USP47: variants seen among roughly 807,000 people sequenced by gnomAD.
USP47 encodes the protein ubiquitin carboxyl-terminal hydrolase 47.
Under a neutral mutation model 165.1 loss-of-function variants are expected in USP47, and 35 were observed. The ratio of observed to expected loss-of-function variants is 0.21; its 90% CI spans 0.16 to 0.28. The LOEUF is 0.28. USP47 is among the 10% of genes least tolerant of loss of function. USP47 has a pLI of 1.00. For missense variants in USP47, 1,277 were observed against 1,607.4 expected (o/e 0.79, Z 3.52); for synonymous variants, 531 against 544.5 (o/e 0.98, Z 0.35).
chr11:11,908,103 A>C (rs1028913419), intron 8 of USP47, among the ~76,000 whole-genome samples: 3 of 152,182 alleles, frequency 2.0e-5, no homozygotes, highest in Non-Finnish European at 4.4e-5. Context: ...AAACAAAAAA[A>C]GATATAGATG....
intron 4 of USP47, among the ~76,000 whole-genome samples, chr11:11,892,370 T>C (rs1851573472): frequency 8.0e-6 from 1 of 124,806 alleles, no homozygotes; most frequent in East Asian, 2.3e-4. Context: ...TTTCTTTTCT[T>C]TTTAATTTTC....
At chr11:11,892,586 A>G (rs1719186326) in intron 4 of USP47, among the ~76,000 whole-genome samples, 1 of 151,406 alleles carries the variant, frequency 6.6e-6, no homozygotes, top group African/African-American at 2.4e-5. Flanking sequence ...CAAGGCAGGA[A>G]GATTGCTTGA....
chr11:11,930,252 A>G (rs994278680), intron 13 of USP47, 132 bp downstream of exon 13: 10 of 737,486 alleles, frequency 1.4e-5, no homozygotes, highest in South Asian at 3.7e-5. Flanking sequence ...ACCTGCCTCC[A>G]TATTTTGGAA....
rs1254379504 is a variant in USP47 at position 11,942,726 on chromosome 11, A to T, written c.2705A>T (p.Asp902Val). Residue 902 changes from aspartate to valine, a missense_variant, in exon 20 of 28, where the codon GAT becomes GTT. Asp to Val is a radical substitution (Grantham distance 152). Around this residue, in one of 4 missense-constraint regions of USP47, gnomAD observed 909 missense variants for 1,068.1 expected, o/e 0.85. Transcript: ENST00000527733. The stretch of plus-strand genomic sequence containing the variant: ...GAGAGGGACTCTTCAGCATCAGTGG[A>T]TAATAGAGAACTTGAACAGCATATT... Reference protein sequence around the residue: ...LNERDSSASVDNRELEQHIQT... With the variant: ...LNERDSSASVVNRELEQHIQT... 6.2e-7 allele frequency: 1 copy of T among 1,613,618 alleles called. No individual in the cohort carries two copies. Among genetic ancestry groups the T allele is most frequent in the African/African-American group, 1.3e-5 (1 of 75,022 alleles).
chr11:11,849,597 G>T (rs767426092), intron 1 of USP47, among the ~76,000 whole-genome samples: 2 of 152,138 alleles, frequency 1.3e-5, no homozygotes, highest in African/African-American at 4.8e-5. Context: ...TTTTGACTTC[G>T]TGAGAAGCTC....
chr11:11,893,575 TAC>T (rs1590322064), intron 4 of USP47, among the ~76,000 whole-genome samples: 1 of 152,184 alleles, frequency 6.6e-6, no homozygotes, highest in Non-Finnish European at 1.5e-5. Flanking sequence ...TAGCTAGGAC[TAC>T]AGGTGTGCAC....
chr11:11,856,750 T>G (rs988271872), intron 1 of USP47: 3 of 152,258 alleles, frequency 2.0e-5, no homozygotes, highest in African/African-American at 7.2e-5. Context: ...AGTACAAGGC[T>G]TATAATGATG....
rs551171222 is a variant in USP47, at chr11:11,860,669, C to G, written c.39+18445C>G. On this transcript the variant is annotated intron_variant, in intron 1 of 27. Transcript: ENST00000527733. ...AAGTCAGTTATTTCACAAGCTGAGT[C>G]ACTGCTTGTCAACAACAGCCTACTC... Among the ~76,000 whole-genome samples, 5 of 152,288 alleles carry G rather than the reference C, an allele frequency of 3.3e-5. No homozygotes were observed. The East Asian group carries it at 9.6e-4, about 29-fold the overall frequency.
chr11:11,853,195 CAG>C (rs1848824471), intron 1 of USP47, among the ~76,000 whole-genome samples: 1 of 151,820 alleles, frequency 6.6e-6, no homozygotes. Flanking sequence ...GTATCAAAAA[CAG>C]GGGTTGTAAA....
intron 11 of USP47, among the ~76,000 whole-genome samples, chr11:11,925,339 AC>A (rs1190800045): frequency 6.6e-6 from 1 of 151,754 alleles, no homozygotes; most frequent in Non-Finnish European, 1.5e-5. Context: ...TGATCTCCTG[AC>A]CTCATGATCC....
At chr11:11,862,095 T>A (rs969280835) in intron 1 of USP47, among the ~76,000 whole-genome samples, 8 of 151,950 alleles carry the variant, frequency 5.3e-5, no homozygotes, top group African/African-American at 1.9e-4. Context: ...AGAGCATGAT[T>A]ATCATCAAAC....
chr11:11,861,839 A>G (rs1246523392), intron 1 of USP47, among the ~76,000 whole-genome samples: 1 of 152,184 alleles, frequency 6.6e-6, no homozygotes, highest in Non-Finnish European at 1.5e-5. Flanking sequence ...TTAGAAACAA[A>G]TGTGATATAG....
At chr11:11,874,963 G>A (rs1440727806) in intron 1 of USP47, among the ~76,000 whole-genome samples, 1 of 151,760 alleles carries the variant, frequency 6.6e-6, no homozygotes, top group East Asian at 1.9e-4. Flanking sequence ...TACCCAGATG[G>A]GAATGCTCTA....
chr11:11,892,026 G>C lies in USP47; in HGVS notation c.416G>C (p.Arg139Thr). 6.2e-7 allele frequency: 1 copy of C among 1,613,948 alleles called. No individual in the cohort carries two copies. The highest frequency in any genetic ancestry group is 8.5e-7 in the Non-Finnish European group (1 of 1,179,892). ...GACAGGTTTATAGGTCCGCTTCCAAGAGAAGGTTCTGGGGGTTCTACCAGT... is the reference window on the plus strand; with the variant it reads ...GACAGGTTTATAGGTCCGCTTCCAACAGAAGGTTCTGGGGGTTCTACCAGT... ...VHDRFIGPLP[R>T]EGSGGSTSDY... is the part of the protein sequence containing the mutation. Residue 139 changes from arginine to threonine, a missense_variant, in exon 4 of 28, where the codon AGA becomes ACA. Physicochemically the swap from Arg to Thr is moderately conservative, Grantham distance 71 (BLOSUM62 -1). Transcript: ENST00000527733.
Position 11,842,046 on chromosome 11 carries a change from C to T in USP47, c.-140C>T. On this transcript the variant is annotated 5_prime_UTR_variant, in exon 1 of 28. Transcript: ENST00000527733. ...GGTGTCTGCGCGCTGGTGTCTGAGG[C>T]CCAGGCTGAGGCCTCCGCTATTGCT... is the stretch of plus-strand genomic sequence containing the variant. 1.9e-6 allele frequency: 2 copies of T among 1,077,346 alleles called. No individual in the cohort carries two copies. Among genetic ancestry groups the T allele is most frequent in the Non-Finnish European group, 2.7e-6 (2 of 754,404 alleles). 66.7% of individuals were successfully genotyped at this position (1,077,346 alleles called of 1,614,324 possible). A position where few individuals can be genotyped will look rare whatever the true frequency, so the allele number is the denominator to read the frequency against.
chr11:11,877,316 C>T (rs561692099), intron 1 of USP47, among the ~76,000 whole-genome samples: 17 of 152,186 alleles, frequency 1.1e-4, no homozygotes, highest in African/African-American at 4.1e-4. Flanking sequence ...CAGATGAAGT[C>T]CACATGTTAT....
rs1028105772 is a variant in USP47 at position 11,954,928 on chromosome 11, A to C, written c.3746A>C (p.Asp1249Ala). 3.7e-6 allele frequency: 6 copies of C among 1,613,892 alleles called. No individual in the cohort carries two copies. Among genetic ancestry groups the C allele is most frequent in the Non-Finnish European group, 4.2e-6 (5 of 1,179,952 alleles). ...LSEISGIPLD[D>A]IEFAKGRGTF... Reference sequence around the variant, plus strand: ...GAAATCAGTGGGATTCCTTTGGATGATATTGAATTTGCTAAGGTAAAGCCC... The same window carrying C: ...GAAATCAGTGGGATTCCTTTGGATGCTATTGAATTTGCTAAGGTAAAGCCC... Residue 1249 changes from aspartate to alanine, a missense_variant, in exon 26 of 28, where the codon GAT becomes GCT. By Grantham distance (126) the Asp-to-Ala change is moderately radical. This residue lies in a region of USP47 where 909 missense variants were observed against 1,068.1 expected (regional missense o/e 0.85). Coordinates refer to ENST00000527733, the MANE Select transcript of USP47 (RefSeq NM_001282659.2).
At chr11:11,866,461 T>G (rs1158747120) in intron 1 of USP47, among the ~76,000 whole-genome samples, 1 of 152,196 alleles carries the variant, frequency 6.6e-6, no homozygotes, top group African/African-American at 2.4e-5. Flanking sequence ...AGGCATTGTG[T>G]TCCCCTGAGT....
chr11:11,845,646 C>T lies in USP47; in HGVS notation c.39+3422C>T, dbSNP rs1848386033. Among the ~76,000 whole-genome samples the T allele has an allele frequency of 1.3e-5, 2 of 152,116 alleles. 1 individual carries two copies. The highest frequency in any genetic ancestry group is 4.1e-4 in the South Asian group (2 of 4,832). The stretch of plus-strand genomic sequence containing the variant: ...GTTTAAGACAGTGTCTTTCCTGGAG[C>T]AGATATTCAGTAAATATTCGTTGAT... On this transcript the variant is annotated intron_variant, in intron 1 of 27. Transcript: ENST00000527733.
Sources: gnomAD v4.1 joint callset for allele counts (sites outside exome capture counted in the v4.1 genomes callset) on GRCh38, gnomAD v4.1.1 for gene constraint, gnomAD v4.1.1 regional missense constraint, MANE v1.5 for transcripts, NCBI Gene and HGNC (gene_info 2026-07-23, HGNC 2026-07-21) for gene names.